Variants in RMST observed in about 807,000 individuals in gnomAD.
RMST encodes the protein long intergenic non-protein coding RNA 54.
intron 5 of RMST, among the ~76,000 whole-genome samples, chr12:97,481,932 G>A (rs1030015135): frequency 8.5e-5 from 13 of 152,130 alleles, no homozygotes; most frequent in Middle Eastern, 3.2e-3. Flanking sequence ...TGGCCAACAC[G>A]AGCATGAATG....
rs527998218 is a variant in RMST at position 97,542,045 on chromosome 12, T to A, written n.1545+11186T>A. On this transcript the variant is annotated intron_variant and non_coding_transcript_variant, in intron 11 of 13. Coordinates refer to ENST00000640149, the Ensembl canonical transcript of RMST. The stretch of plus-strand genomic sequence containing the variant: ...TGTGGATATTAAGAAACACATTCAT[T>A]CATGTATTCCTTCAACAAGCATTTA... 2.0e-5 allele frequency among the ~76,000 whole-genome samples: 3 copies of A among 152,054 alleles called. No individual in the cohort carries two copies. The East Asian group carries it at 5.8e-4, about 29-fold the overall frequency.
chr12:97,478,355 T>A (rs1728710553), intron 5 of RMST, among the ~76,000 whole-genome samples: 1 of 152,250 alleles, frequency 6.6e-6, no homozygotes, highest in Non-Finnish European at 1.5e-5. Flanking sequence ...AACCAGATTA[T>A]CTGTAGTCTT....
chr12:97,511,942 T>C (rs962727366), intron 10 of RMST, among the ~76,000 whole-genome samples: 1 of 152,230 alleles, frequency 6.6e-6, no homozygotes, highest in Admixed American at 6.5e-5. Flanking sequence ...TCAATAGTTA[T>C]GTGTCCGGAA....
chr12:97,484,631 G>A (rs1875856787), intron 5 of RMST, among the ~76,000 whole-genome samples: 1 of 152,170 alleles, frequency 6.6e-6, no homozygotes. Context: ...TGTCACTCAT[G>A]TTGGCTGAGA....
intron 11 of RMST, chr12:97,532,644 C>CA (rs1881742237): frequency 1.3e-5 from 1 of 76,708 alleles, no homozygotes; most frequent in Admixed American, 1.3e-4. Flanking sequence ...GCTGATGTCC[C>CA]GTTTTTTTTT....
intron 13 of RMST, among the ~76,000 whole-genome samples, chr12:97,561,629 C>CTTTTTTTTTT (rs9331504): frequency 1.8e-5 from 1 of 56,648 alleles, no homozygotes; most frequent in Non-Finnish European, 3.0e-5. Flanking sequence ...AGTTTGAAGG[C>CTTTTTTTTTT]TTTTTTTTTT....
chr12:97,484,718 A>G (rs1565919844), intron 5 of RMST, among the ~76,000 whole-genome samples: 2 of 152,184 alleles, frequency 1.3e-5, no homozygotes, highest in East Asian at 3.8e-4. Context: ...TTCTCTTTCA[A>G]GCTATATATA....
At chr12:97,553,731 G>A (rs1253494198) in intron 11 of RMST, among the ~76,000 whole-genome samples, 1 of 151,920 alleles carries the variant, frequency 6.6e-6, no homozygotes, top group Non-Finnish European at 1.5e-5. Flanking sequence ...AATCAAATAA[G>A]CCTGGGTTTG....
At chr12:97,531,254 GA>G (rs1362892106) in intron 11 of RMST, among the ~76,000 whole-genome samples, 4 of 151,312 alleles carry the variant, frequency 2.6e-5, no homozygotes, top group Admixed American at 6.6e-5. Context: ...TCTAGGAAAG[GA>G]AAAAAAAGCA....
chr12:97,483,711 G>A (rs1276253108), intron 5 of RMST, among the ~76,000 whole-genome samples: 2 of 152,054 alleles, frequency 1.3e-5, no homozygotes, highest in African/African-American at 4.8e-5. Context: ...ATAGTGAAAA[G>A]GAGCTGTACC....
At chr12:97,472,853 G>A (rs1231545542) in intron 5 of RMST, among the ~76,000 whole-genome samples, 3 of 151,842 alleles carry the variant, frequency 2.0e-5, no homozygotes, top group Non-Finnish European at 4.4e-5. Context: ...TTATAACTTC[G>A]GAAAGATTTT....
intron 5 of RMST, among the ~76,000 whole-genome samples, chr12:97,487,663 T>A (rs918972221): frequency 2.7e-4 from 41 of 152,174 alleles, no homozygotes; most frequent in Non-Finnish European, 3.5e-4. Context: ...AACTTAAAGA[T>A]GCTCTCAGAT....
chr12:97,508,030 T>C (rs1878886575), intron 10 of RMST, among the ~76,000 whole-genome samples: 1 of 152,134 alleles, frequency 6.6e-6, no homozygotes, highest in African/African-American at 2.4e-5. Flanking sequence ...AGTGGCCAAG[T>C]AGCATAAAGA....
At chr12:97,505,315 T>G (rs1036927167) in intron 10 of RMST, among the ~76,000 whole-genome samples, 1 of 152,234 alleles carries the variant, frequency 6.6e-6, no homozygotes. Flanking sequence ...GCCAGTCTCG[T>G]CAAATAAGTG....
At chr12:97,548,592 CTGAG>C (rs1490690348) in intron 11 of RMST, among the ~76,000 whole-genome samples, 1 of 151,730 alleles carries the variant, frequency 6.6e-6, no homozygotes, top group African/African-American at 2.4e-5. Context: ...AAATTTATTC[CTGAG>C]TATTTTATTT....
intron 5 of RMST, among the ~76,000 whole-genome samples, chr12:97,466,222 C>T (rs368174107): frequency 1.3e-5 from 2 of 152,110 alleles, no homozygotes; most frequent in East Asian, 3.9e-4. Flanking sequence ...AGCAAAAGTT[C>T]CATGCTTCGG....
At chr12:97,482,635 A>G (rs1875466086) in intron 5 of RMST, among the ~76,000 whole-genome samples, 1 of 142,368 alleles carries the variant, frequency 7.0e-6, no homozygotes, top group African/African-American at 2.5e-5. Context: ...TTAATATTTA[A>G]TTTATTTATT....
intron 11 of RMST, among the ~76,000 whole-genome samples, chr12:97,548,971 A>ATG (rs1404259150): frequency 6.6e-6 from 1 of 152,214 alleles, no homozygotes; most frequent in Non-Finnish European, 1.5e-5. Flanking sequence ...AAGCTCTAAC[A>ATG]TACACTAAGA....
chr12:97,520,360 T>C (rs1880386948), intron 10 of RMST, among the ~76,000 whole-genome samples: 1 of 152,182 alleles, frequency 6.6e-6, no homozygotes, highest in South Asian at 2.1e-4. Flanking sequence ...TTTCTTATTA[T>C]GCAGACAGGG....
Sources: allele counts gnomAD v4.1 joint callset (sites outside exome capture counted in the v4.1 genomes callset), GRCh38; gene constraint gnomAD v4.1.1; transcripts MANE v1.5; gene names NCBI Gene and HGNC (gene_info 2026-07-23, HGNC 2026-07-21).